The following PTPRD variants were observed in gnomAD, a reference collection of about 807,000 sequenced individuals.
PTPRD encodes protein tyrosine phosphatase receptor type D, also known as receptor-type tyrosine-protein phosphatase delta.
In PTPRD, 34 loss-of-function variants were observed where a neutral mutation model predicts 214.5. The observed-to-expected ratio is 0.16, with a 90% CI of 0.12 to 0.21. The LOEUF is 0.21. Among genes scored for constraint, PTPRD ranks in the 10% least tolerant of loss-of-function variants. PTPRD has a pLI of 1.00. For synonymous variants in PTPRD, 1,128 were observed against 845.7 expected, an observed-to-expected ratio of 1.33 and a Z score of -5.79; for missense variants, 2,545 against 2,398.7, an observed-to-expected ratio of 1.06 and a Z score of -1.27.
At chr9:9,787,255 A>T (rs2098931745) in intron 5 of PTPRD, among the ~76,000 whole-genome samples, 1 of 152,046 alleles carries the variant, frequency 6.6e-6, no homozygotes. Flanking sequence ...CACAACAGTG[A>T]CACTCTCAGT....
intron 4 of PTPRD, among the ~76,000 whole-genome samples, chr9:9,998,129 A>AAAAAAAAAAATATATATATATAT (rs57991748): frequency 5.5e-5 from 5 of 91,458 alleles, no homozygotes; most frequent in African/African-American, 1.2e-4. Flanking sequence ...AAAAAAAAAA[A>AAAAAAAAAAATATATATATATAT]ATATATATAT....
chr9:10,366,668 G>C (rs766577706), intron 2 of PTPRD, among the ~76,000 whole-genome samples: 4 of 152,094 alleles, frequency 2.6e-5, no homozygotes, highest in Admixed American at 6.6e-5. Context: ...ACATCTGAAA[G>C]TAGATGAGTG....
chr9:9,238,353 G>A (rs1216140479), intron 9 of PTPRD, among the ~76,000 whole-genome samples: 2 of 152,114 alleles, frequency 1.3e-5, no homozygotes, highest in Non-Finnish European at 2.9e-5. Context: ...AAGAGATGCA[G>A]TTTTAAAAGT....
At chr9:8,647,094 T>C (rs377663107) in intron 12 of PTPRD, among the ~76,000 whole-genome samples, 4 of 152,240 alleles carry the variant, frequency 2.6e-5, no homozygotes, top group Non-Finnish European at 5.9e-5. Flanking sequence ...CTGGCAAATG[T>C]AGCACAGCCA....
At chr9:9,856,450 T>C (rs978153907) in intron 5 of PTPRD, among the ~76,000 whole-genome samples, 8 of 152,050 alleles carry the variant, frequency 5.3e-5, no homozygotes, top group African/African-American at 1.9e-4. Context: ...CTATCAAAAG[T>C]ACAGTAACAA....
At chr9:9,767,543 A>C (rs570227891) in intron 5 of PTPRD, among the ~76,000 whole-genome samples, 44 of 152,200 alleles carry the variant, frequency 2.9e-4, no homozygotes, top group Admixed American at 5.9e-4. Flanking sequence ...AAACTCATCT[A>C]CCTAAAGGCA....
At chr9:9,150,192 T>C (rs2099875438) in intron 10 of PTPRD, among the ~76,000 whole-genome samples, 1 of 152,112 alleles carries the variant, frequency 6.6e-6, no homozygotes. Flanking sequence ...TCTTGTTATG[T>C]GCTTTTTACC....
At chr9:9,158,470 C>T (rs2099883282) in intron 10 of PTPRD, among the ~76,000 whole-genome samples, 2 of 151,902 alleles carry the variant, frequency 1.3e-5, no homozygotes, top group Admixed American at 6.6e-5. Context: ...CATGGTGGCA[C>T]GTGCCTGTAA....
intron 2 of PTPRD, among the ~76,000 whole-genome samples, chr9:10,486,846 G>T (rs1303713114): frequency 1.3e-5 from 2 of 152,122 alleles, no homozygotes; most frequent in Non-Finnish European, 1.5e-5. Context: ...GATTAAACTT[G>T]ATGTTTCTTC....
intron 7 of PTPRD, among the ~76,000 whole-genome samples, chr9:9,682,727 C>T (rs1189885039): frequency 2.0e-5 from 3 of 151,722 alleles, no homozygotes; most frequent in Non-Finnish European, 2.9e-5. Context: ...ATTCTTCTTT[C>T]CAGCAAGAAC....
In PTPRD at chr9:8,465,453, A is replaced by G; in HGVS notation, c.3714+13T>C. 1 of 1,607,654 alleles carries G rather than the reference A, an allele frequency of 6.2e-7. No individual in the cohort carries two copies. The highest frequency in any genetic ancestry group is 8.5e-7 in the Non-Finnish European group (1 of 1,175,258). On this transcript the variant is annotated intron_variant, in intron 32 of 45. Transcript: ENST00000381196. ...CGTACCATAGGAAACAGATGCCATC[A>G]TAATTAACTTACAGACTCTGCATGT...
chr9:9,588,554 G>C (rs1053815922), intron 7 of PTPRD, among the ~76,000 whole-genome samples: 1 of 151,918 alleles, frequency 6.6e-6, no homozygotes, highest in Non-Finnish European at 1.5e-5. Flanking sequence ...TGATGATCAA[G>C]TTTATCTTAT....
intron 11 of PTPRD, among the ~76,000 whole-genome samples, chr9:8,766,653 A>G (rs1164746820): frequency 6.6e-6 from 1 of 152,178 alleles, no homozygotes; most frequent in Non-Finnish European, 1.5e-5. Context: ...TACAATTTTC[A>G]CTTTGCAAAC....
At chr9:9,564,610 T>C (rs1365337616) in intron 8 of PTPRD, among the ~76,000 whole-genome samples, 2 of 151,982 alleles carry the variant, frequency 1.3e-5, no homozygotes, top group African/African-American at 4.8e-5. Flanking sequence ...ATTTTCAAAC[T>C]TACTGAACCA....
chr9:9,765,610 ATAAC>A, intron 6 of PTPRD, among the ~76,000 whole-genome samples: 2 of 152,332 alleles, frequency 1.3e-5, no homozygotes, highest in Non-Finnish European at 1.5e-5. Context: ...TACAAAAATG[ATAAC>A]TAACCTTCTC....
Position 9,856,138 on chromosome 9 carries a change from G to T in PTPRD, c.-368+82369C>A, listed in dbSNP as rs909052822. 2.6e-5 allele frequency among the ~76,000 whole-genome samples: 4 copies of T among 152,290 alleles called. No individual in the cohort carries two copies. The East Asian group carries it at 7.7e-4, about 29-fold the overall frequency. ...TTCACCTGAAGTCCGGCCATCTGCGGCAGGATTATTCTCTGAAGTTGCACC... is the reference window on the plus strand; with the variant it reads ...TTCACCTGAAGTCCGGCCATCTGCGTCAGGATTATTCTCTGAAGTTGCACC... On this transcript the variant is annotated intron_variant, in intron 5 of 45. Coordinates refer to ENST00000381196, the MANE Select transcript of PTPRD (RefSeq NM_002839.4).
chr9:9,947,566 AT>A (rs1566624084), intron 4 of PTPRD, among the ~76,000 whole-genome samples: 23 of 29,654 alleles, frequency 7.8e-4, no homozygotes, highest in South Asian at 1.6e-3. Flanking sequence ...TATATATTTT[AT>A]ATATATATTA....
At chr9:9,057,355 T>C (rs540137280) in intron 10 of PTPRD, among the ~76,000 whole-genome samples, 4 of 152,122 alleles carry the variant, frequency 2.6e-5, no homozygotes, top group Admixed American at 1.3e-4. Context: ...GAATATCCAA[T>C]TCAATGCCCT....
chr9:9,440,049 A>G (rs1164979175), intron 8 of PTPRD, among the ~76,000 whole-genome samples: 7 of 152,226 alleles, frequency 4.6e-5, no homozygotes. Flanking sequence ...CATGCAGTCT[A>G]GAAACCATAA....
Sources: allele counts gnomAD v4.1 joint callset (sites outside exome capture counted in the v4.1 genomes callset), GRCh38; gene constraint gnomAD v4.1.1; transcripts MANE v1.5; gene names NCBI Gene and HGNC (gene_info 2026-07-23, HGNC 2026-07-21).